The following CTNNA3 variants were observed in gnomAD, a reference collection of about 807,000 sequenced individuals.
CTNNA3 encodes the protein catenin alpha-3.
CTNNA3 carries 76 observed loss-of-function variants against 95.7 expected under a neutral mutation model. That is an observed-to-expected ratio of 0.79 (90% CI 0.66 to 0.96). The LOEUF is 0.96. Among genes scored for constraint, CTNNA3 ranks in the 40% least tolerant of loss-of-function variants. The pLI is 0.00. For missense variants in CTNNA3, 1,191 were observed against 1,089.8 expected (o/e 1.09, Z -1.31); for synonymous variants, 431 against 374.4 (o/e 1.15, Z -1.74).
intron 5 of CTNNA3, among the ~76,000 whole-genome samples, chr10:67,503,950 G>T (rs550932077): frequency 2.0e-5 from 3 of 150,534 alleles, no homozygotes; most frequent in Non-Finnish European, 4.4e-5. Flanking sequence ...AAGGTCAGGA[G>T]ATCAAGACCA....
chr10:66,407,195 T>G (rs1589207670), intron 11 of CTNNA3, among the ~76,000 whole-genome samples: 2 of 136,444 alleles, frequency 1.5e-5, no homozygotes, highest in African/African-American at 3.0e-5. Flanking sequence ...TTTAAACAAC[T>G]GTGCTTAAAA....
At chr10:66,892,952 A>G (rs558321040) in intron 7 of CTNNA3, among the ~76,000 whole-genome samples, 1 of 152,252 alleles carries the variant, frequency 6.6e-6, no homozygotes, top group Admixed American at 6.5e-5. Flanking sequence ...AGTGTGAATG[A>G]GCATAATTAT....
At chr10:66,534,075 C>A (rs1459880571) in intron 10 of CTNNA3, among the ~76,000 whole-genome samples, 1 of 152,154 alleles carries the variant, frequency 6.6e-6, no homozygotes, top group Admixed American at 6.5e-5. Context: ...ACCAGGCTTT[C>A]CTTGTTGATC....
chr10:66,137,942 C>A (rs899327948), intron 13 of CTNNA3, among the ~76,000 whole-genome samples: 1 of 151,522 alleles, frequency 6.6e-6, no homozygotes, highest in Non-Finnish European at 1.5e-5. Context: ...AGAGCCACAT[C>A]CTGTCTTGAA....
chr10:66,864,543 A>G (rs1012694295), intron 7 of CTNNA3, among the ~76,000 whole-genome samples: 1 of 152,204 alleles, frequency 6.6e-6, no homozygotes, highest in Non-Finnish European at 1.5e-5. Flanking sequence ...GAGCTAGGAC[A>G]TCATATTAAC....
At chr10:65,952,724 C>T (rs1248998743) in intron 17 of CTNNA3, among the ~76,000 whole-genome samples, 1 of 152,156 alleles carries the variant, frequency 6.6e-6, no homozygotes, top group Non-Finnish European at 1.5e-5. Flanking sequence ...TGGTCAATAG[C>T]TGAATTATTG....
intron 13 of CTNNA3, among the ~76,000 whole-genome samples, chr10:66,221,369 T>C (rs781680423): frequency 3.4e-4 from 51 of 152,228 alleles, no homozygotes; most frequent in Non-Finnish European, 6.3e-4. Context: ...CTGATTTTTA[T>C]GTAAGTGATA....
chr10:66,176,037 T>C (rs145536610), intron 13 of CTNNA3, among the ~76,000 whole-genome samples: 171 of 152,282 alleles, frequency 1.1e-3, no homozygotes, highest in Middle Eastern at 6.8e-3. Context: ...AACAGTTTTA[T>C]TTTCTGTATT....
chr10:67,478,698 A>G (rs1200155081), intron 5 of CTNNA3, among the ~76,000 whole-genome samples: 1 of 152,148 alleles, frequency 6.6e-6, no homozygotes. Context: ...AATAGCTCAC[A>G]GAACCCATAA....
intron 1 of CTNNA3, among the ~76,000 whole-genome samples, chr10:67,720,434 A>G (rs1841173290): frequency 6.6e-6 from 1 of 151,892 alleles, no homozygotes; most frequent in East Asian, 1.9e-4. Context: ...TTACTGATGC[A>G]GTTTCTTCAT....
At chr10:67,394,594 A>G (rs1844648690) in intron 5 of CTNNA3, among the ~76,000 whole-genome samples, 1 of 152,138 alleles carries the variant, frequency 6.6e-6, no homozygotes, top group African/African-American at 2.4e-5. Flanking sequence ...CCAGCCAGAT[A>G]TTGCATTATA....
intron 5 of CTNNA3, among the ~76,000 whole-genome samples, chr10:67,493,629 C>A (rs1838935266): frequency 6.7e-6 from 1 of 150,004 alleles, no homozygotes; most frequent in South Asian, 2.1e-4. Context: ...ATTAACATTT[C>A]TTTTTAATTA....
intron 14 of CTNNA3, among the ~76,000 whole-genome samples, chr10:66,083,706 A>G (rs1589352876): frequency 6.6e-6 from 1 of 152,290 alleles, no homozygotes; most frequent in East Asian, 1.9e-4. Flanking sequence ...TCGTATATCC[A>G]TTACTGATCA....
At chr10:66,637,370 C>T (rs1308624907) in intron 9 of CTNNA3, among the ~76,000 whole-genome samples, 2 of 152,200 alleles carry the variant, frequency 1.3e-5, no homozygotes, top group Non-Finnish European at 2.9e-5. Context: ...GCTCCATGCA[C>T]ATCAGCCACA....
intron 7 of CTNNA3, among the ~76,000 whole-genome samples, chr10:66,818,432 G>A (rs1842172367): frequency 6.6e-6 from 1 of 152,192 alleles, no homozygotes; most frequent in South Asian, 2.1e-4. Flanking sequence ...GTTGCAGGAT[G>A]TAAGATCAAT....
intron 14 of CTNNA3, among the ~76,000 whole-genome samples, chr10:66,076,706 G>A (rs1343329040): frequency 6.6e-6 from 1 of 151,592 alleles, no homozygotes; most frequent in African/African-American, 2.4e-5. Context: ...ATATTTGACT[G>A]ATTATCTATG....
chr10:66,816,191 G>C (rs12765010), intron 7 of CTNNA3, among the ~76,000 whole-genome samples: 39,472 of 151,778 alleles, frequency 0.26, 5,871 homozygotes, highest in Non-Finnish European at 0.34. Flanking sequence ...ACATAACTCT[G>C]AAAATATAGT....
intron 7 of CTNNA3, among the ~76,000 whole-genome samples, chr10:67,165,375 G>T (rs1439832111): frequency 3.9e-5 from 6 of 152,136 alleles, no homozygotes; most frequent in Non-Finnish European, 5.9e-5. Flanking sequence ...GGTAGGGGTA[G>T]GGAGGGGCAG....
intron 11 of CTNNA3, among the ~76,000 whole-genome samples, chr10:66,469,582 T>A (rs576729175): frequency 6.6e-6 from 1 of 151,870 alleles, no homozygotes; most frequent in South Asian, 2.1e-4. Context: ...AAGGGGTGCA[T>A]AAAGAGGTGA....
Sources: allele counts gnomAD v4.1 joint callset (sites outside exome capture counted in the v4.1 genomes callset), GRCh38; gene constraint gnomAD v4.1.1; transcripts MANE v1.5; gene names NCBI Gene and HGNC (gene_info 2026-07-23, HGNC 2026-07-21).